Variants in MARCHF4 observed in about 807,000 individuals in gnomAD.
MARCHF4 encodes the protein E3 ubiquitin-protein ligase MARCHF4.
A neutral mutation model predicts 43.9 loss-of-function variants in MARCHF4; 14 were observed. The observed-to-expected ratio is 0.32, with a 90% CI of 0.21 to 0.50. The LOEUF (loss-of-function observed/expected upper bound fraction) is 0.50, where lower values mean the gene tolerates loss of function less well. Ranked by LOEUF, MARCHF4 falls within the 20% of genes least tolerant of loss-of-function variation. The probability of loss-of-function intolerance (pLI) is 0.98; values close to 1 mark genes in which losing one functional copy is unlikely to be tolerated. For synonymous variants in MARCHF4, 226 were observed against 213.3 expected (o/e 1.06, Z -0.52); for missense variants, 468 against 536.7 (o/e 0.87, Z 1.27).
chr2:216,336,049 C>G (rs1166287837), intron 1 of MARCHF4, among the ~76,000 whole-genome samples: 1 of 111,310 alleles, frequency 9.0e-6, no homozygotes, highest in Admixed American at 1.4e-4. Flanking sequence ...GCCTGAGTGA[C>G]AGAGTGAGAC....
In MARCHF4 at chr2:216,259,031, G is replaced by A. The variant is rs534210091; in HGVS notation, c.*281C>T. ...GGTACCTTGCCTGCAGGTGCATTGG[G>A]GCAGGGTTTTTCTGTTGGGCCAGGT... is the stretch of plus-strand genomic sequence containing the variant. On this transcript the variant is annotated 3_prime_UTR_variant, in exon 4 of 4. Coordinates refer to ENST00000273067, the MANE Select transcript of MARCHF4 (RefSeq NM_020814.3). The A allele has an allele frequency of 4.5e-4, 127 of 283,762 alleles. No homozygotes were observed. The South Asian group carries it at 0.013, about 28-fold the overall frequency. 17.6% of individuals were successfully genotyped at this position (283,762 alleles called of 1,614,324 possible). A position where few individuals can be genotyped will look rare whatever the true frequency, so the allele number is the denominator to read the frequency against.
At chr2:216,289,965 G>A (rs575256065) in intron 1 of MARCHF4, among the ~76,000 whole-genome samples, 15 of 152,248 alleles carry the variant, frequency 9.9e-5, no homozygotes, top group East Asian at 1.9e-4. Flanking sequence ...GTTGCTTAAC[G>A]TCTCTGGGCC....
At chr2:216,300,350 G>GTGTATATATATATATATATATATA (rs369678225) in intron 1 of MARCHF4, among the ~76,000 whole-genome samples, 4 of 115,812 alleles carry the variant, frequency 3.5e-5, no homozygotes, top group African/African-American at 1.1e-4. Context: ...ATATATATAT[G>GTGTATATATATATATATATATATA]TATATATATA....
intron 1 of MARCHF4, among the ~76,000 whole-genome samples, chr2:216,307,591 CA>C (rs1691610211): frequency 6.6e-6 from 1 of 151,708 alleles, no homozygotes; most frequent in Non-Finnish European, 1.5e-5. Flanking sequence ...GAATAAATGC[CA>C]ATATGAAAAA....
intron 1 of MARCHF4, among the ~76,000 whole-genome samples, chr2:216,363,728 G>C (rs541130701): frequency 6.6e-6 from 1 of 152,248 alleles, no homozygotes; most frequent in Non-Finnish European, 1.5e-5. Context: ...CTCCCATCAT[G>C]GTGTGTGCAT....
intron 1 of MARCHF4, among the ~76,000 whole-genome samples, chr2:216,351,085 A>G (rs1187415916): frequency 6.6e-6 from 1 of 152,176 alleles, no homozygotes; most frequent in Admixed American, 6.5e-5. Context: ...TTTCTCCTGA[A>G]GGACCCTATT....
chr2:216,274,363 T>C (rs1468958956), intron 3 of MARCHF4, among the ~76,000 whole-genome samples: 1 of 152,194 alleles, frequency 6.6e-6, no homozygotes. Context: ...GAAGTCCCCA[T>C]GAGTCAGAAT....
intron 1 of MARCHF4, among the ~76,000 whole-genome samples, chr2:216,363,792 T>C (rs542278515): frequency 6.6e-5 from 10 of 152,346 alleles, no homozygotes; most frequent in Non-Finnish European, 1.2e-4. Flanking sequence ...TTAGGATTTC[T>C]ATGAACACAG....
At chr2:216,360,112 G>A (rs924449604) in intron 1 of MARCHF4, among the ~76,000 whole-genome samples, 4 of 151,924 alleles carry the variant, frequency 2.6e-5, no homozygotes, top group African/African-American at 7.3e-5. Flanking sequence ...CACTACCCTG[G>A]GATCACAGCC....
intron 1 of MARCHF4, among the ~76,000 whole-genome samples, chr2:216,367,484 T>C (rs1321108682): frequency 6.6e-6 from 1 of 152,128 alleles, no homozygotes; most frequent in African/African-American, 2.4e-5. Flanking sequence ...GAAACTGTGT[T>C]CTCCACATCT....
intron 1 of MARCHF4, among the ~76,000 whole-genome samples, chr2:216,339,362 GA>G (rs1487936172): frequency 6.6e-6 from 1 of 152,148 alleles, no homozygotes; most frequent in African/African-American, 2.4e-5. Context: ...CCTCCATTGG[GA>G]AAAAGCCCAT....
intron 1 of MARCHF4, among the ~76,000 whole-genome samples, chr2:216,298,710 C>T (rs1421219458): frequency 6.6e-6 from 1 of 152,212 alleles, no homozygotes; most frequent in Non-Finnish European, 1.5e-5. Flanking sequence ...AAATTTTCCT[C>T]ATAACTACAG....
At chr2:216,344,595 A>G (rs1309776866) in intron 1 of MARCHF4, among the ~76,000 whole-genome samples, 3 of 152,188 alleles carry the variant, frequency 2.0e-5, no homozygotes, top group African/African-American at 7.2e-5. Context: ...CAGGGCTTCT[A>G]AAAGGCCCCT....
At chr2:216,291,536 G>C (rs773096212) in intron 1 of MARCHF4, among the ~76,000 whole-genome samples, 3 of 152,098 alleles carry the variant, frequency 2.0e-5, no homozygotes, top group Non-Finnish European at 4.4e-5. Flanking sequence ...GTGAAACTGA[G>C]GGAGGAGGGT....
intron 1 of MARCHF4, among the ~76,000 whole-genome samples, chr2:216,364,134 T>C (rs1692630016): frequency 6.6e-6 from 1 of 152,194 alleles, no homozygotes; most frequent in Non-Finnish European, 1.5e-5. Context: ...CTGGAAATTC[T>C]ATCACTATCG....
intron 1 of MARCHF4, among the ~76,000 whole-genome samples, chr2:216,340,620 A>G (rs545231234): frequency 1.1e-4 from 16 of 152,308 alleles, no homozygotes; most frequent in African/African-American, 3.8e-4. Context: ...CCAGCCTCCC[A>G]GGGTTGACAG....
At chr2:216,298,968 A>G (rs1319288751) in intron 1 of MARCHF4, among the ~76,000 whole-genome samples, 1 of 152,184 alleles carries the variant, frequency 6.6e-6, no homozygotes, top group Non-Finnish European at 1.5e-5. Context: ...ATTTCCACCT[A>G]TGTCATCTGA....
intron 3 of MARCHF4, among the ~76,000 whole-genome samples, chr2:216,260,734 A>G (rs954112976): frequency 2.0e-5 from 3 of 152,112 alleles, no homozygotes; most frequent in African/African-American, 7.2e-5. Context: ...GTATAATGGG[A>G]AGCTATTGAC....
intron 1 of MARCHF4, among the ~76,000 whole-genome samples, chr2:216,315,081 A>G (rs1186589550): frequency 1.3e-5 from 2 of 152,228 alleles, no homozygotes; most frequent in Non-Finnish European, 2.9e-5. Flanking sequence ...GAAAGTACTT[A>G]AAACTAAATA....
Sources: allele counts gnomAD v4.1 joint callset (sites outside exome capture counted in the v4.1 genomes callset), GRCh38; gene constraint gnomAD v4.1.1; transcripts MANE v1.5; gene names NCBI Gene and HGNC (gene_info 2026-07-23, HGNC 2026-07-21).